The following FRMD8 variants were observed in gnomAD, a reference collection of about 807,000 sequenced individuals.
FRMD8 encodes the protein FERM domain containing 8.
In FRMD8, 37 loss-of-function variants were observed where a neutral mutation model predicts 54.2. The ratio of observed to expected loss-of-function variants is 0.68; its 90% CI spans 0.53 to 0.90. FRMD8 has a LOEUF of 0.90. FRMD8 is among the 40% of genes least tolerant of loss of function. The pLI, the probability that FRMD8 is intolerant of heterozygous loss-of-function variation, is 0.00. For synonymous variants in FRMD8, 246 were observed against 286.9 expected, an observed-to-expected ratio of 0.86 and a Z score of 1.44; for missense variants, 585 against 653.7, an observed-to-expected ratio of 0.89 and a Z score of 1.15.
At chr11:65,376,884 C>T in the FRMD8 span, 1 of 1,614,198 alleles carries the variant, frequency 6.2e-7, no homozygotes, top group South Asian at 1.1e-5. Flanking sequence ...TAGATCCCCA[C>T]CGTGGGGGTG....
In FRMD8 at chr11:65,399,831, G is replaced by A. The variant is rs759790849; in HGVS notation, c.899G>A (p.Gly300Asp). 9.3e-6 allele frequency: 15 copies of A among 1,614,008 alleles called. No homozygotes were observed. Among genetic ancestry groups the A allele is most frequent in the Non-Finnish European group, 1.3e-5 (15 of 1,179,936 alleles). The part of the protein sequence containing the change: ...KPVSVAISLE[G>D]VHVIDSREKH... The stretch of plus-strand genomic sequence containing the variant: ...GTTTCTGTGGCCATCAGTCTGGAAG[G>A]CGTGCACGTCATCGATAGCAGAGAG... The change falls in exon 8 of 11, where the codon GGC becomes GAC. Residue 300 changes from glycine to aspartate, a missense_variant. By Grantham distance (94) the Gly-to-Asp change is moderately conservative (BLOSUM62 -1). Coordinates refer to ENST00000317568, the MANE Select transcript of FRMD8 (RefSeq NM_031904.5).
Position 65,394,101 on chromosome 11 carries a change from T to C in FRMD8, c.414+2T>C. Reference sequence around the variant, plus strand: ...TTCCCAAAGCGGCGGGAGCTCCAGGTGAGGCAGGAGCCCTGGTGGCCCCAC... The same window carrying C: ...TTCCCAAAGCGGCGGGAGCTCCAGGCGAGGCAGGAGCCCTGGTGGCCCCAC... On this transcript the variant is annotated splice_donor_variant, in intron 5 of 10. Coordinates refer to ENST00000317568, the MANE Select transcript of FRMD8 (RefSeq NM_031904.5). LOFTEE classifies it high-confidence loss of function. 1 of 1,613,508 alleles carries C rather than the reference T, an allele frequency of 6.2e-7. No individual in the cohort carries two copies. The highest frequency in any genetic ancestry group is 8.5e-7 in the Non-Finnish European group (1 of 1,179,702).
chr11:65,376,647 G>T, the FRMD8 span: 1 of 1,613,906 alleles, frequency 6.2e-7, no homozygotes, highest in African/African-American at 1.3e-5. Flanking sequence ...TGCCTGCAAA[G>T]CCCCCTGCCA....
At chr11:65,408,365 C>T (rs541566812) in intron 10 of FRMD8, among the ~76,000 whole-genome samples, 2 of 152,068 alleles carry the variant, frequency 1.3e-5, no homozygotes, top group East Asian at 1.9e-4. Context: ...TGAGCCACCG[C>T]GCCCAGCCCT....
At chr11:65,383,783 A>AAAC (rs55950492), upstream of FRMD8, 36,974 of 110,844 alleles carry the variant, frequency 0.33, 7,648 homozygotes, top group Non-Finnish European at 0.48. Context: ...ACAAACAAAC[A>AAAC]AAAAAAAAAC....
chr11:65,392,630 T>C (rs2137877557), intron 3 of FRMD8, among the ~76,000 whole-genome samples: 1 of 152,236 alleles, frequency 6.6e-6, no homozygotes, highest in South Asian at 2.1e-4. Flanking sequence ...GCCTGGAGTT[T>C]GAGGGGCTGG....
Position 65,400,994 on chromosome 11 carries a change from C to T in FRMD8, c.1071+127C>T, listed in dbSNP as rs1459409256. 8 of 1,096,686 alleles carry T rather than the reference C, an allele frequency of 7.3e-6. No individual in the cohort carries two copies. In the East Asian group the frequency reaches 1.0e-4, roughly 14 times the overall value. The allele number at this position is 1,096,686 out of a possible 1,614,324, so 67.9% of individuals were successfully genotyped here. A position where few individuals can be genotyped will look rare whatever the true frequency, so the allele number is the denominator to read the frequency against. ...GCTGCCTTGGGCCTGAGGATGAAAG[C>T]GGCCTGGGCACAAGGGGTGCCTTGA... On this transcript the variant is annotated intron_variant, in intron 9 of 10. Transcript: ENST00000317568. The surrounding 1 kb of genome is among the most constrained non-coding windows in gnomAD (Gnocchi z 4.3).
At chr11:65,393,698 C>T (rs759735258) in intron 4 of FRMD8, 24 bp downstream of exon 4, 2 of 1,573,848 alleles carry the variant, frequency 1.3e-6, no homozygotes, top group Non-Finnish European at 8.7e-7. Context: ...CCTGTCTGTC[C>T]TTGCCTCGGG....
At chr11:65,390,865 C>G (rs530317445) in intron 3 of FRMD8, among the ~76,000 whole-genome samples, 1 of 152,256 alleles carries the variant, frequency 6.6e-6, no homozygotes, top group Non-Finnish European at 1.5e-5. Context: ...CTCCCACGGC[C>G]GGAGGCCGTG....
chr11:65,385,233 G>C (rs1334190065), upstream of FRMD8, among the ~76,000 whole-genome samples: 1 of 152,170 alleles, frequency 6.6e-6, no homozygotes, highest in African/African-American at 2.4e-5. Flanking sequence ...CCAGAGCTGA[G>C]AACCAGGAAG....
chr11:65,401,683 C>T (rs1856085829), intron 9 of FRMD8, among the ~76,000 whole-genome samples: 1 of 146,174 alleles, frequency 6.8e-6, no homozygotes, highest in East Asian at 2.1e-4. Flanking sequence ...AAGCTTCTTT[C>T]CGCCCCCACC....
chr11:65,392,033 G>A (rs370722411), intron 3 of FRMD8, among the ~76,000 whole-genome samples: 1 of 152,236 alleles, frequency 6.6e-6, no homozygotes, highest in Non-Finnish European at 1.5e-5. Flanking sequence ...CAAGTGAGGG[G>A]AGTTAATGGA....
the FRMD8 span, chr11:65,380,744 G>T: frequency 2.2e-6 from 1 of 455,234 alleles, no homozygotes; most frequent in Non-Finnish European, 3.7e-6. Context: ...GTTTGGGGGA[G>T]GTCGCACCCC....
intron 8 of FRMD8, 83 bp downstream of exon 8, chr11:65,399,942 G>A: frequency 6.7e-7 from 1 of 1,502,438 alleles, no homozygotes; most frequent in Admixed American, 2.0e-5. Context: ...GGGCCTGTGG[G>A]GGCCTGGGGG....
rs759661222 is a variant in FRMD8, at chr11:65,400,250, G to A, written c.927+391G>A. Among the ~76,000 whole-genome samples, 8 of 152,330 alleles carry A rather than the reference G, an allele frequency of 5.3e-5. No individual in the cohort carries two copies. The South Asian group carries it at 8.3e-4, about 16-fold the overall frequency. The stretch of plus-strand genomic sequence containing the variant: ...TGGCCAGCCCTGGGTAGAGAGCCGC[G>A]TCAGCAGCCAGCCCTGTGGGGCAGA... On this transcript the variant is annotated intron_variant, in intron 8 of 10. Transcript: ENST00000317568. The surrounding 1 kb of genome is among the most constrained non-coding windows in gnomAD (Gnocchi z 4.3).
At chr11:65,408,856 C>G (rs950389711) in intron 10 of FRMD8, among the ~76,000 whole-genome samples, 4 of 151,718 alleles carry the variant, frequency 2.6e-5, no homozygotes, top group African/African-American at 9.7e-5. Flanking sequence ...AATGATCCTC[C>G]CACCTCAGCC....
intron 5 of FRMD8, 33 bp from the exon 6 acceptor site, chr11:65,394,226 C>A: frequency 6.3e-7 from 1 of 1,593,526 alleles, no homozygotes; most frequent in Admixed American, 1.8e-5. Flanking sequence ...CCCAGCCCAG[C>A]TGAGCGGCTG....
Position 65,396,872 on chromosome 11 carries a change from C to T in FRMD8, c.655C>T (p.Arg219Cys), listed in dbSNP as rs917229317. 4.5e-6 allele frequency: 7 copies of T among 1,557,526 alleles called. No homozygotes were observed. The Admixed American group carries it at 5.7e-5, about 13-fold the overall frequency. ...GAGTCTCTTTGCTGCCCTCCGGGGCCGTGGGGCCAGGGCCGGGCCGGGCGA... is the reference window on the plus strand; with the variant it reads ...GAGTCTCTTTGCTGCCCTCCGGGGCTGTGGGGCCAGGGCCGGGCCGGGCGA... The part of the protein sequence containing the change: ...GQSLFAALRG[R>C]GARAGPGEQG... Residue 219 changes from arginine to cysteine, a missense_variant, in exon 7 of 11, where the codon CGT (arginine) becomes TGT (cysteine). Physicochemically the swap from Arg to Cys is radical, Grantham distance 180. Coordinates refer to ENST00000317568, the MANE Select transcript of FRMD8 (RefSeq NM_031904.5).
the FRMD8 span, among the ~76,000 whole-genome samples, chr11:65,371,691 T>C: frequency 2.0e-5 from 3 of 152,248 alleles, no homozygotes; most frequent in African/African-American, 7.2e-5. Flanking sequence ...TTTGGCTCAC[T>C]GCAACCTCCG....
Sources: gnomAD v4.1 joint callset for allele counts (sites outside exome capture counted in the v4.1 genomes callset) on GRCh38, gnomAD v4.1.1 for gene constraint, Gnocchi (gnomAD v3.1) non-coding constraint, MANE v1.5 for transcripts, NCBI Gene and HGNC (gene_info 2026-07-23, HGNC 2026-07-21) for gene names.